Variants in TRPM3 observed in about 807,000 individuals in gnomAD.
TRPM3 encodes long transient receptor potential channel 3.
Under a neutral mutation model 181.2 loss-of-function variants are expected in TRPM3, and 77 were observed. That is an observed-to-expected ratio of 0.42 (90% CI 0.35 to 0.51). The LOEUF (loss-of-function observed/expected upper bound fraction) is 0.51, where lower values mean the gene tolerates loss of function less well. TRPM3 is among the 20% of genes least tolerant of loss of function. The pLI is 0.01. For missense variants in TRPM3, 1,759 were observed against 2,196.7 expected (o/e 0.80, Z 3.98); for synonymous variants, 745 against 796.4 (o/e 0.94, Z 1.09).
intron 8 of TRPM3, among the ~76,000 whole-genome samples, chr9:70,743,658 G>A (rs576159950): frequency 1.2e-4 from 19 of 152,090 alleles, no homozygotes; most frequent in Admixed American, 1.0e-3. Flanking sequence ...GGTCAGCCAG[G>A]GATGGGTAGT....
chr9:70,857,699 C>G (rs1390886997), intron 3 of TRPM3, among the ~76,000 whole-genome samples: 1 of 152,158 alleles, frequency 6.6e-6, no homozygotes, highest in Non-Finnish European at 1.5e-5. Context: ...ATAACTGTGA[C>G]TCTGGGAAAA....
chr9:70,591,364 G>A (rs2058080709), intron 21 of TRPM3, among the ~76,000 whole-genome samples, 159 bp from the exon 22 acceptor site: 1 of 152,166 alleles, frequency 6.6e-6, no homozygotes, highest in African/African-American at 2.4e-5. Context: ...ATAAGAAGAT[G>A]CTTGGTCTGT....
chr9:71,313,723 C>T (rs932147787), intron 1 of TRPM3, among the ~76,000 whole-genome samples: 8 of 152,068 alleles, frequency 5.3e-5, no homozygotes, highest in Non-Finnish European at 1.0e-4. Flanking sequence ...ATTTAAATTG[C>T]AACAATGAGA....
intron 1 of TRPM3, among the ~76,000 whole-genome samples, chr9:71,446,033 T>C (rs765591349): frequency 2.0e-5 from 3 of 152,348 alleles, no homozygotes; most frequent in Middle Eastern, 3.4e-3. Flanking sequence ...AGTGCTTTTA[T>C]TGCACTAATT....
chr9:70,833,758 T>C (rs1487547365), intron 5 of TRPM3, among the ~76,000 whole-genome samples: 1 of 152,146 alleles, frequency 6.6e-6, no homozygotes, highest in Non-Finnish European at 1.5e-5. Context: ...TAATAGCTGA[T>C]CAGGTTATTT....
At chr9:70,801,373 T>C (rs1180279290) in intron 6 of TRPM3, among the ~76,000 whole-genome samples, 1 of 152,190 alleles carries the variant, frequency 6.6e-6, no homozygotes, top group East Asian at 1.9e-4. Flanking sequence ...ATCACAGCTG[T>C]TCATTATCAG....
chr9:70,646,239 A>T (rs1169865067), intron 9 of TRPM3, among the ~76,000 whole-genome samples: 1 of 152,258 alleles, frequency 6.6e-6, no homozygotes, highest in East Asian at 1.9e-4. Flanking sequence ...TACCCAAAGG[A>T]TTATAAATCA....
chr9:71,401,981 G>GT (rs1235848890), intron 1 of TRPM3, among the ~76,000 whole-genome samples: 5 of 152,176 alleles, frequency 3.3e-5, no homozygotes, highest in African/African-American at 4.8e-5. Context: ...GGCATACCAT[G>GT]TATTATCAGT....
At chr9:70,973,724 C>T (rs547642109) in intron 1 of TRPM3, among the ~76,000 whole-genome samples, 39 of 152,286 alleles carry the variant, frequency 2.6e-4, no homozygotes, top group Non-Finnish European at 4.3e-4. Context: ...TTAAACATCA[C>T]TCACCTAGAA....
intron 9 of TRPM3, among the ~76,000 whole-genome samples, chr9:70,642,286 A>G (rs1000461040): frequency 6.6e-6 from 1 of 152,196 alleles, no homozygotes; most frequent in Non-Finnish European, 1.5e-5. Flanking sequence ...AGCCAAAGAT[A>G]AAACAGCTAC....
At chr9:71,370,864 G>A (rs554450555) in intron 1 of TRPM3, among the ~76,000 whole-genome samples, 1 of 152,168 alleles carries the variant, frequency 6.6e-6, no homozygotes, top group Non-Finnish European at 1.5e-5. Context: ...GCTGACTCTT[G>A]TTAGGGGCTC....
chr9:71,161,026 A>G (rs1461543351), intron 1 of TRPM3, among the ~76,000 whole-genome samples: 2 of 152,182 alleles, frequency 1.3e-5, no homozygotes, highest in African/African-American at 4.8e-5. Context: ...CACTGAGCAC[A>G]GAGGTGACTA....
At chr9:71,194,880 C>T (rs1461572953) in intron 1 of TRPM3, among the ~76,000 whole-genome samples, 1 of 151,648 alleles carries the variant, frequency 6.6e-6, no homozygotes, top group Non-Finnish European at 1.5e-5. Context: ...TCATATGTTA[C>T]CAAAATCTAT....
chr9:70,595,567 A>G (rs1281473146), intron 21 of TRPM3, among the ~76,000 whole-genome samples: 1 of 152,198 alleles, frequency 6.6e-6, no homozygotes, highest in Non-Finnish European at 1.5e-5. Context: ...TTTTATAGCT[A>G]TTATAGTTCT....
At chr9:70,887,590 A>T (rs931313423) in intron 1 of TRPM3, among the ~76,000 whole-genome samples, 3 of 152,168 alleles carry the variant, frequency 2.0e-5, no homozygotes, top group Non-Finnish European at 4.4e-5. Context: ...TGATAAGAAG[A>T]GGCTTCTGGC....
intron 1 of TRPM3, among the ~76,000 whole-genome samples, chr9:71,171,279 G>A (rs2076840565): frequency 6.6e-6 from 1 of 152,112 alleles, no homozygotes; most frequent in South Asian, 2.1e-4. Flanking sequence ...GCCTCCACTT[G>A]CCTTGTGATA....
chr9:70,610,744 C>G lies in TRPM3; in HGVS notation c.2532G>C (p.Met844Ile). The stretch of plus-strand genomic sequence containing the variant: ...AGGACTCCCCGTTGTTTCGTCCCAA[C>G]ATTGCCTATGTTGGAAGAGAATCGA... ...KEEEDMELTA[M>I]LGRNNGESSR... Residue 844 changes from methionine (M) to isoleucine (I), a missense_variant, in exon 19 of 26, where the codon ATG (methionine) becomes ATC (isoleucine). Transcript: ENST00000677713. 1 of 1,614,096 alleles carries G rather than the reference C, an allele frequency of 6.2e-7. No individual in the cohort carries two copies. The highest frequency in any genetic ancestry group is 8.5e-7 in the Non-Finnish European group (1 of 1,179,974).
intron 1 of TRPM3, among the ~76,000 whole-genome samples, chr9:71,115,408 G>A (rs1425269323): frequency 1.3e-5 from 2 of 152,100 alleles, no homozygotes; most frequent in African/African-American, 4.8e-5. Flanking sequence ...TATCTTTCAT[G>A]TGTTTGTTCA....
rs1565023925 is a variant in TRPM3 at position 71,032,057 on chromosome 9, ATT to A, written c.177+89119_177+89120del. 0.017 allele frequency among the ~76,000 whole-genome samples: 24 copies of A among 1,432 alleles called. 2 individuals are homozygous for A. In the East Asian group the frequency reaches 0.58, roughly 35 times the overall value. The allele number at this position is 1,432 out of a possible 152,430, so 0.9% of individuals were successfully genotyped here. A position where few individuals can be genotyped will look rare whatever the true frequency, so the allele number is the denominator to read the frequency against. On this transcript the variant is annotated intron_variant, in intron 1 of 25. Transcript: ENST00000677713. ...AAATATATATATATATATTATATAT[ATT>A]ATATATATTATATTATATTATATAT...
Sources: allele counts gnomAD v4.1 joint callset (sites outside exome capture counted in the v4.1 genomes callset), GRCh38; gene constraint gnomAD v4.1.1; transcripts MANE v1.5; gene names NCBI Gene and HGNC (gene_info 2026-07-23, HGNC 2026-07-21).